PTPRT: variants seen among roughly 807,000 people sequenced by gnomAD.
PTPRT encodes protein tyrosine phosphatase receptor type T.
A neutral mutation model predicts 176.8 loss-of-function variants in PTPRT; 56 were observed. That is an observed-to-expected ratio of 0.32 (90% confidence interval 0.26 to 0.40). The LOEUF (loss-of-function observed/expected upper bound fraction) is 0.40. PTPRT is among the 10% of genes least tolerant of loss of function. PTPRT has a pLI of 1.00. For synonymous variants in PTPRT, 783 were observed against 739.0 expected (o/e 1.06, Z -0.96); for missense variants, 1,540 against 1,908.2 (o/e 0.81, Z 3.60).
At chr20:42,060,522 C>T in the PTPRT span, among the ~76,000 whole-genome samples, 4 of 152,168 alleles carry the variant, frequency 2.6e-5, no homozygotes, top group Non-Finnish European at 5.9e-5. Context: ...ATCATGGGGG[C>T]AAGTCTTTCC....
intron 26 of PTPRT, among the ~76,000 whole-genome samples, chr20:42,100,025 T>C (rs1227299602): frequency 6.6e-6 from 1 of 152,234 alleles, no homozygotes; most frequent in Non-Finnish European, 1.5e-5. Context: ...CTCCCATTTC[T>C]GAGCTACTTG....
chr20:42,818,340 A>T (rs1250102804), intron 2 of PTPRT, among the ~76,000 whole-genome samples: 1 of 151,376 alleles, frequency 6.6e-6, no homozygotes, highest in African/African-American at 2.4e-5. Flanking sequence ...AACAGCATCA[A>T]CAACAACAAC....
intron 1 of PTPRT, among the ~76,000 whole-genome samples, chr20:42,902,229 A>T (rs976784418): frequency 6.6e-6 from 1 of 152,190 alleles, no homozygotes; most frequent in Non-Finnish European, 1.5e-5. Flanking sequence ...GGAAACAAAA[A>T]AAGGAAAAGA....
chr20:42,819,751 AT>A (rs1407051616), intron 2 of PTPRT, among the ~76,000 whole-genome samples: 1 of 151,932 alleles, frequency 6.6e-6, no homozygotes, highest in Non-Finnish European at 1.5e-5. Flanking sequence ...ATAAAAAAAA[AT>A]AAAAAAGCAG....
At chr20:42,514,904 A>C (rs746939065) in intron 7 of PTPRT, among the ~76,000 whole-genome samples, 2 of 152,174 alleles carry the variant, frequency 1.3e-5, no homozygotes, top group Non-Finnish European at 2.9e-5. Flanking sequence ...AAATCCCTGT[A>C]CTAACTTCAC....
intron 7 of PTPRT, among the ~76,000 whole-genome samples, chr20:42,622,184 T>C (rs2074210194): frequency 6.6e-6 from 1 of 152,168 alleles, no homozygotes; most frequent in Non-Finnish European, 1.5e-5. Flanking sequence ...ATCATGGGTA[T>C]GACATTGATT....
intron 1 of PTPRT, among the ~76,000 whole-genome samples, chr20:42,921,522 C>A (rs1480970938): frequency 6.6e-6 from 1 of 152,150 alleles, no homozygotes; most frequent in African/African-American, 2.4e-5. Context: ...TAACTGGAGG[C>A]TGCAGTGAGC....
chr20:42,517,361 T>C (rs895544781), intron 7 of PTPRT, among the ~76,000 whole-genome samples: 2 of 152,018 alleles, frequency 1.3e-5, no homozygotes, highest in Admixed American at 1.3e-4. Context: ...TCGTATTTTT[T>C]CACATATAAT....
chr20:42,337,432 G>T (rs2058055874), intron 11 of PTPRT, among the ~76,000 whole-genome samples: 1 of 152,128 alleles, frequency 6.6e-6, no homozygotes, highest in African/African-American at 2.4e-5. Context: ...GAGAACAGGG[G>T]ATTATTTTTT....
intron 16 of PTPRT, among the ~76,000 whole-genome samples, chr20:42,174,433 T>C (rs1243340597): frequency 6.6e-6 from 1 of 152,192 alleles, no homozygotes; most frequent in Non-Finnish European, 1.5e-5. Flanking sequence ...CGACTCTGCA[T>C]GTCAGTTCTG....
chr20:42,205,501 G>A (rs550801741), intron 15 of PTPRT, among the ~76,000 whole-genome samples: 3 of 152,294 alleles, frequency 2.0e-5, no homozygotes, highest in African/African-American at 7.2e-5. Context: ...TTCAAGTAGA[G>A]ACTGGGAAAC....
At chr20:42,620,297 T>G (rs1240979057) in intron 7 of PTPRT, among the ~76,000 whole-genome samples, 2 of 149,720 alleles carry the variant, frequency 1.3e-5, no homozygotes, top group African/African-American at 5.1e-5. Flanking sequence ...AGTCTGCCTA[T>G]TCTGAGATCT....
intron 12 of PTPRT, 87 bp from the exon 13 acceptor site, chr20:42,282,612 C>T: frequency 1.0e-6 from 1 of 964,230 alleles, no homozygotes; most frequent in Non-Finnish European, 1.6e-6. Flanking sequence ...TATATATTTG[C>T]ATATATATTC....
intron 1 of PTPRT, among the ~76,000 whole-genome samples, chr20:42,985,731 C>G (rs1220479610): frequency 6.6e-6 from 1 of 152,006 alleles, no homozygotes; most frequent in African/African-American, 2.4e-5. Flanking sequence ...GGGGAGGGGC[C>G]ATAATTGTAA....
At chr20:42,300,670 C>T (rs1469593055) in intron 12 of PTPRT, among the ~76,000 whole-genome samples, 1 of 151,488 alleles carries the variant, frequency 6.6e-6, no homozygotes, top group Non-Finnish European at 1.5e-5. Context: ...GAAAGGAGAA[C>T]TCATCCTCGG....
chr20:42,707,677 G>A (rs2076081702), intron 6 of PTPRT, among the ~76,000 whole-genome samples: 1 of 152,192 alleles, frequency 6.6e-6, no homozygotes, highest in Admixed American at 6.5e-5. Context: ...CTAGAGCTAG[G>A]CATGGTGATG....
At chr20:42,820,888 CA>C (rs1600789282) in intron 2 of PTPRT, among the ~76,000 whole-genome samples, 1 of 152,094 alleles carries the variant, frequency 6.6e-6, no homozygotes, top group African/African-American at 2.4e-5. Flanking sequence ...CTGAATGGAC[CA>C]ATAACAAGTT....
In PTPRT at chr20:42,106,852, C is replaced by A. The variant is rs1248912580; in HGVS notation, c.3324G>T (p.Gly1108=). Residue 1108 remains glycine (G), a synonymous_variant, in exon 24 of 31, where the codon GGG becomes GGT. Transcript: ENST00000373187. Reference sequence around the variant, plus strand: ...GCACGCAGTTGAAGATGTCCACCACCCCTTCATTCTCGGCCATGTCAAGCA... The same window carrying A: ...GCACGCAGTTGAAGATGTCCACCACACCTTCATTCTCGGCCATGTCAAGCA... ...DTMLDMAENE[G]VVDIFNCVRE... is the part of the protein sequence containing the mutation. 4 of 1,614,044 alleles carry A rather than the reference C, an allele frequency of 2.5e-6. No individual in the cohort carries two copies. Among genetic ancestry groups the A allele is most frequent in the African/African-American group, 1.3e-5 (1 of 74,920 alleles).
chr20:42,293,649 A>C (rs1278123518), intron 12 of PTPRT, among the ~76,000 whole-genome samples: 1 of 152,190 alleles, frequency 6.6e-6, no homozygotes, highest in African/African-American at 2.4e-5. Context: ...GATATTCCTG[A>C]GATCCAGGCT....
Sources: gnomAD v4.1 joint callset for allele counts (sites outside exome capture counted in the v4.1 genomes callset) on GRCh38, gnomAD v4.1.1 for gene constraint, MANE v1.5 for transcripts, NCBI Gene and HGNC (gene_info 2026-07-23, HGNC 2026-07-21) for gene names.